Variants in SLX4 observed in about 807,000 individuals in gnomAD.
SLX4 encodes the protein SLX4 structure-specific endonuclease subunit, also known as structure-specific endonuclease subunit SLX4.
SLX4 carries 112 observed loss-of-function variants against 146.2 expected under a neutral mutation model. The observed-to-expected ratio is 0.77, with a 90% confidence interval of 0.66 to 0.90. SLX4 has a LOEUF of 0.90. Ranked by LOEUF, SLX4 falls within the 40% of genes least tolerant of loss-of-function variation. SLX4 has a pLI of 0.00. For synonymous variants in SLX4, 1,061 were observed against 997.7 expected (o/e 1.06, Z -1.20); for missense variants, 2,563 against 2,392.7 (o/e 1.07, Z -1.49).
At chr16:3,592,930 C>T (rs2040610309) in intron 10 of SLX4, 65 bp from the exon 11 acceptor site, 39 of 1,509,384 alleles carry the variant, frequency 2.6e-5, no homozygotes, top group East Asian at 9.3e-5. Flanking sequence ...GCAAAGCAGA[C>T]GGTCTGGGGT....
chr16:3,581,964 A>C lies in SLX4; in HGVS notation c.*378T>G, dbSNP rs1596513820. The C allele has an allele frequency of 2.3e-5, 6 of 266,214 alleles. No homozygotes were observed. Among genetic ancestry groups the C allele is most frequent in the East Asian group, 1.2e-4 (2 of 16,346 alleles). The allele number at this position is 266,214 out of a possible 1,614,324, so 16.5% of individuals were successfully genotyped here. A position where few individuals can be genotyped will look rare whatever the true frequency, so the allele number is the denominator to read the frequency against. The stretch of plus-strand genomic sequence containing the variant: ...AGGCTGAGGCAGGAGAATTGCTTGA[A>C]CCCGGGAGGCGGAGGTTGCAGTGAG... On this transcript the variant is annotated 3_prime_UTR_variant, in exon 15 of 15. Transcript: ENST00000294008.
chr16:3,594,863 T>C (rs1360596325), intron 9 of SLX4, among the ~76,000 whole-genome samples: 1 of 152,154 alleles, frequency 6.6e-6, no homozygotes, highest in Non-Finnish European at 1.5e-5. Flanking sequence ...ATGCCAGACA[T>C]GGGGCTAGAT....
intron 12 of SLX4, among the ~76,000 whole-genome samples, chr16:3,585,842 T>C (rs1596517580): frequency 6.7e-6 from 1 of 148,810 alleles, no homozygotes; most frequent in East Asian, 2.0e-4. Context: ...TAGCAGGGTG[T>C]GGTGGCCCAA....
In SLX4 at chr16:3,598,748, C is replaced by T. The variant is rs570667251; in HGVS notation, c.1164-749G>A. ...ATGCTCTCCAGGGTGCCAGGGATGG[C>T]TCAAGTTCACCTTCCCAGGAACGTG... On this transcript the variant is annotated intron_variant, in intron 5 of 14. Transcript: ENST00000294008. Among the ~76,000 whole-genome samples, 3 of 152,340 alleles carry T rather than the reference C, an allele frequency of 2.0e-5. No homozygotes were observed. The East Asian group carries it at 5.8e-4, about 29-fold the overall frequency.
At chr16:3,584,728 G>A in intron 13 of SLX4, 41 bp downstream of exon 13, 1 of 1,491,192 alleles carries the variant, frequency 6.7e-7, no homozygotes, top group Non-Finnish European at 9.4e-7. Context: ...TTATGGGAGG[G>A]AAAAGACCAC....
Position 3,589,932 on chromosome 16 carries a change from A to G in SLX4, c.3706T>C (p.Trp1236Arg), listed in dbSNP as rs760493361. The change falls in exon 12 of 15, where the codon TGG becomes CGG. Residue 1236 changes from tryptophan to arginine, a missense_variant. By Grantham distance (101) the Trp-to-Arg change is moderately radical. Coordinates refer to ENST00000294008, the MANE Select transcript of SLX4 (RefSeq NM_032444.4). The surrounding 1 kb of genome is among the most constrained non-coding windows in gnomAD (Gnocchi z 6.2). Reference sequence around the variant, plus strand: ...CTGCTCTCACGGTCACAGAACAGCCAGGGAGCCCCTCTCCTGCCCAAAGAG... The same window carrying G: ...CTGCTCTCACGGTCACAGAACAGCCGGGGAGCCCCTCTCCTGCCCAAAGAG... ...RGSLGRRGAP[W>R]LFCDRESSPS... 3 of 1,613,852 alleles carry G rather than the reference A, an allele frequency of 1.9e-6. No homozygotes were observed. The highest frequency in any genetic ancestry group is 4.5e-5 in the East Asian group (2 of 44,840).
Position 3,590,228 on chromosome 16 carries a change from C to G in SLX4, c.3410G>C (p.Arg1137Thr), listed in dbSNP as rs1391353238. 29 of 1,614,086 alleles carry G rather than the reference C, an allele frequency of 1.8e-5. No homozygotes were observed. Among genetic ancestry groups the G allele is most frequent in the Non-Finnish European group, 2.2e-5 (26 of 1,180,046 alleles). ...TQSNPDHSSSRSQKSSSKLNE... is the reference protein window; with the variant it reads ...TQSNPDHSSSTSQKSSSKLNE... ...CAGTTTGGATGAAGATTTCTGAGAT[C>G]TGGAGCTCGAATGGTCAGGATTTGA... Residue 1137 changes from arginine to threonine, a missense_variant, in exon 12 of 15, where the codon AGA becomes ACA. Coordinates refer to ENST00000294008, the MANE Select transcript of SLX4 (RefSeq NM_032444.4). The surrounding 1 kb of genome is among the most constrained non-coding windows in gnomAD (Gnocchi z 4.8).
At chr16:3,583,548 A>C in intron 13 of SLX4, 38 bp from the exon 14 acceptor site, 1 of 1,610,502 alleles carries the variant, frequency 6.2e-7, no homozygotes. Context: ...ACCCACCCAC[A>C]CAGCTGGTCC....
Position 3,596,159 on chromosome 16 carries a change from TCCCTTCC to T in SLX4, c.1911_1917del (p.Glu638LeufsTer13), listed in dbSNP as rs2040652078. On this transcript the variant is annotated frameshift_variant, in exon 8 of 15. Coordinates refer to ENST00000294008, the MANE Select transcript of SLX4 (RefSeq NM_032444.4). LOFTEE classifies it high-confidence loss of function. ...GTCCCACCCAGCATCTCACCTGCAG[TCCCTTCC>T]GAGCCAGCCAGGCCCCCACTGCCGG... 1 of 1,550,922 alleles carries T rather than the reference TCCCTTCC, an allele frequency of 6.4e-7. No individual in the cohort carries two copies. The highest frequency in any genetic ancestry group is 8.7e-7 in the Non-Finnish European group (1 of 1,150,300).
Position 3,589,370 on chromosome 16 carries a change from A to C in SLX4, c.4268T>G (p.Ile1423Ser), listed in dbSNP as rs1056055996. The C allele has an allele frequency of 6.3e-7, 1 of 1,587,590 alleles. No individual in the cohort carries two copies. Among genetic ancestry groups the C allele is most frequent in the Non-Finnish European group, 8.6e-7 (1 of 1,163,934 alleles). Residue 1423 changes from isoleucine (I) to serine (S), a missense_variant, in exon 12 of 15, where the codon ATT (isoleucine) becomes AGT (serine). Ile to Ser is a moderately radical substitution (Grantham distance 142). Coordinates refer to ENST00000294008, the MANE Select transcript of SLX4 (RefSeq NM_032444.4). This position sits in a 1 kb window ranked among gnomAD's most constrained non-coding sequence, Gnocchi z 6.2. Reference protein sequence around the residue: ...PPLDSDPPIPIDDCCWHMEPL... With the variant: ...PPLDSDPPIPSDDCCWHMEPL... Reference sequence around the variant, plus strand: ...CTCCATGTGCCAGCAGCAGTCGTCAATTGGAATTGGGGGGTCACTGTCCAG... The same window carrying C: ...CTCCATGTGCCAGCAGCAGTCGTCACTTGGAATTGGGGGGTCACTGTCCAG...
intron 7 of SLX4, among the ~76,000 whole-genome samples, 190 bp from the exon 8 acceptor site, chr16:3,596,583 C>T (rs2040662243): frequency 6.6e-6 from 1 of 152,230 alleles, no homozygotes; most frequent in Non-Finnish European, 1.5e-5. Flanking sequence ...CCCCAGCACT[C>T]ATGTCAACAT....
chr16:3,600,811 G>T, intron 5 of SLX4, 168 bp downstream of exon 5: 1 of 668,940 alleles, frequency 1.5e-6, no homozygotes, highest in Non-Finnish European at 2.6e-6. Context: ...GGCCAGGCTG[G>T]TATCGAACTC....
intron 13 of SLX4, among the ~76,000 whole-genome samples, chr16:3,584,205 G>A (rs566391362): frequency 7.1e-4 from 108 of 152,204 alleles, no homozygotes; most frequent in Middle Eastern, 6.8e-3. Context: ...GGTGGATCAC[G>A]TGGTCAGGAG....
In SLX4 at chr16:3,591,202, G is replaced by T. The variant is rs769330696; in HGVS notation, c.2436C>A (p.Ala812=). The change falls in exon 12 of 15, where the codon GCC becomes GCA. Residue 812 remains alanine, a synonymous_variant. Coordinates refer to ENST00000294008, the MANE Select transcript of SLX4 (RefSeq NM_032444.4). ...ACCTCAAGAGTTCCTGGAAATTCTC[G>T]GCCCTGCTTTCGCAATTCTCTGCTT... ...EKEAENCESR[A]ENFQELLRSM... 1 of 1,613,820 alleles carries T rather than the reference G, an allele frequency of 6.2e-7. No individual in the cohort carries two copies. Among genetic ancestry groups the T allele is most frequent in the African/African-American group, 1.3e-5 (1 of 74,870 alleles).
chr16:3,596,057 G>A (rs1265288718), intron 8 of SLX4, 96 bp downstream of exon 8: 4 of 1,471,406 alleles, frequency 2.7e-6, no homozygotes, highest in South Asian at 2.7e-5. Context: ...AGCTGCCGTC[G>A]CGGCGGCACA....
Position 3,589,858 on chromosome 16 carries a change from G to T in SLX4, c.3780C>A (p.Thr1260=). Residue 1260 remains threonine, a synonymous_variant, in exon 12 of 15, where the codon ACC becomes ACA. Coordinates refer to ENST00000294008, the MANE Select transcript of SLX4 (RefSeq NM_032444.4). This position sits in a 1 kb window ranked among gnomAD's most constrained non-coding sequence, Gnocchi z 6.2. ...AGTCACGGCTTCTGCTGGCCAGCGG[G>T]GTGGCGGGCACCAGCCACGAGGTGT... ...TTDTSWLVPA[T]PLASRSRDCS... is the part of the protein sequence containing the mutation. 1 of 1,613,480 alleles carries T rather than the reference G, an allele frequency of 6.2e-7. No homozygotes were observed. The highest frequency in any genetic ancestry group is 8.5e-7 in the Non-Finnish European group (1 of 1,180,008).
chr16:3,598,091 G>C, intron 5 of SLX4, 92 bp from the exon 6 acceptor site: 1 of 1,475,162 alleles, frequency 6.8e-7, no homozygotes, highest in South Asian at 1.1e-5. Context: ...CTGGGCCTGA[G>C]AGAAAAGTGA....
chr16:3,589,766 G>T lies in SLX4; in HGVS notation c.3872C>A (p.Thr1291Lys). The T allele has an allele frequency of 6.2e-7, 1 of 1,613,698 alleles. No homozygotes were observed. Among genetic ancestry groups the T allele is most frequent in the Non-Finnish European group, 8.5e-7 (1 of 1,180,032 alleles). ...CCTGTTTCCTACTGAGGCCCTGGGC[G>T]TGTGCTGAGTCACCGCCTGCACGGC... ...GLAVQAVTQH[T>K]PRASVGNREG... is the part of the protein sequence containing the mutation. Residue 1291 changes from threonine (T) to lysine (K), a missense_variant, in exon 12 of 15, where the codon ACG becomes AAG. Coordinates refer to ENST00000294008, the MANE Select transcript of SLX4 (RefSeq NM_032444.4). The surrounding 1 kb of genome is among the most constrained non-coding windows in gnomAD (Gnocchi z 6.2).
At chr16:3,593,686 G>A (rs2040617315) in intron 10 of SLX4, among the ~76,000 whole-genome samples, 1 of 152,144 alleles carries the variant, frequency 6.6e-6, no homozygotes, top group Admixed American at 6.6e-5. Context: ...GACACATATG[G>A]GATCCAGAAC....
Sources: allele counts gnomAD v4.1 joint callset (sites outside exome capture counted in the v4.1 genomes callset), GRCh38; gene constraint gnomAD v4.1.1; non-coding constraint Gnocchi (gnomAD v3.1); transcripts MANE v1.5; gene names NCBI Gene and HGNC (gene_info 2026-07-23, HGNC 2026-07-21).